The following HEATR5B variants were observed in gnomAD, a reference collection of about 807,000 sequenced individuals.
HEATR5B encodes the protein HEAT repeat containing 5B.
In HEATR5B, 156 loss-of-function variants were observed where a neutral mutation model predicts 224.1. That is an observed-to-expected ratio of 0.70 (90% CI 0.61 to 0.80). The LOEUF (loss-of-function observed/expected upper bound fraction) is 0.80, where lower values mean the gene tolerates loss of function less well. Ranked by LOEUF, HEATR5B falls within the 30% of genes least tolerant of loss-of-function variation. The pLI, the probability that HEATR5B is intolerant of heterozygous loss-of-function variation, is 0.00. For synonymous variants in HEATR5B, 1,027 were observed against 893.0 expected, an observed-to-expected ratio of 1.15 and a Z score of -2.68; for missense variants, 2,323 against 2,535.5, an observed-to-expected ratio of 0.92 and a Z score of 1.80.
chr2:37,016,381 C>T (rs1668119927), intron 26 of HEATR5B, among the ~76,000 whole-genome samples: 1 of 151,968 alleles, frequency 6.6e-6, no homozygotes, highest in Non-Finnish European at 1.5e-5. Context: ...AAAGTGCTGG[C>T]ATTACAGGCA....
intron 22 of HEATR5B, among the ~76,000 whole-genome samples, chr2:37,029,457 A>G (rs1558752963): frequency 6.6e-6 from 1 of 152,020 alleles, no homozygotes; most frequent in Admixed American, 6.6e-5. Context: ...TGAGATCAGG[A>G]GTTCGAGACC....
chr2:37,058,313 T>C, intron 14 of HEATR5B, 138 bp downstream of exon 14: 1 of 600,590 alleles, frequency 1.7e-6, no homozygotes. Flanking sequence ...AAGTATCAGC[T>C]ACTCTACATG....
intron 23 of HEATR5B, 144 bp downstream of exon 23, chr2:37,028,537 T>C (rs947519002): frequency 3.2e-6 from 2 of 621,354 alleles, no homozygotes; most frequent in Admixed American, 3.6e-5. Context: ...TTTCAACATT[T>C]TGACAGAGAT....
At chr2:37,078,978 T>C (rs1672390370) in intron 3 of HEATR5B, 142 bp downstream of exon 3, 2 of 512,064 alleles carry the variant, frequency 3.9e-6, no homozygotes, top group African/African-American at 3.9e-5. Context: ...CCATCACAAC[T>C]CGATCCACTT....
chr2:36,995,092 T>TTTTTTTTTTTTTC, intron 33 of HEATR5B, among the ~76,000 whole-genome samples: 1 of 141,720 alleles, frequency 7.1e-6, no homozygotes, highest in Non-Finnish European at 1.5e-5. Context: ...TCCTTGTTTT[T>TTTTTTTTTTTTTC]TTTTTTTTTT....
intron 21 of HEATR5B, among the ~76,000 whole-genome samples, chr2:37,035,040 T>A (rs1325227855): frequency 6.6e-6 from 1 of 152,240 alleles, no homozygotes; most frequent in Non-Finnish European, 1.5e-5. Flanking sequence ...CCACCCATCT[T>A]ACACAACTAC....
In HEATR5B at chr2:37,003,685, A is replaced by T; in HGVS notation, c.4907T>A (p.Leu1636Gln). 1 of 1,586,772 alleles carries T rather than the reference A, an allele frequency of 6.3e-7. No individual in the cohort carries two copies. Among genetic ancestry groups the T allele is most frequent in the Non-Finnish European group, 8.6e-7 (1 of 1,166,670 alleles). ...AACACTCAGCAACTCAACACCTATC[A>T]GCTAATACAAATAAATACAAATACA... ...YARVHIAEDQ[L>Q]IGVELLSVLH... The change falls in exon 31 of 36, where the codon CTG becomes CAG. Residue 1636 changes from leucine (L) to glutamine (Q), a missense_variant and splice_region_variant. Coordinates refer to ENST00000233099, the MANE Select transcript of HEATR5B (RefSeq NM_019024.3).
At chr2:36,985,079 A>G (rs1665856445) in intron 35 of HEATR5B, among the ~76,000 whole-genome samples, 1 of 152,236 alleles carries the variant, frequency 6.6e-6, no homozygotes, top group Non-Finnish European at 1.5e-5. Context: ...AAAGTTGACA[A>G]CAAAATTAAC....
chr2:37,037,440 GC>G (rs750754674), intron 21 of HEATR5B, among the ~76,000 whole-genome samples: 1 of 151,864 alleles, frequency 6.6e-6, no homozygotes, highest in Non-Finnish European at 1.5e-5. Flanking sequence ...ACAGCGCCTG[GC>G]CCAAATGTGA....
chr2:37,024,753 C>G (rs1192042031), intron 24 of HEATR5B, among the ~76,000 whole-genome samples: 1 of 152,150 alleles, frequency 6.6e-6, no homozygotes, highest in African/African-American at 2.4e-5. Context: ...ACTCTATCAC[C>G]TAATTTACAA....
rs1671828381 is a variant in HEATR5B at position 37,070,283 on chromosome 2, T to C, written c.874A>G (p.Met292Val). ...GSGFLKSGGEMLKVGGSVNRE... is the reference protein window; with the variant it reads ...GSGFLKSGGEVLKVGGSVNRE... Reference sequence around the variant, plus strand: ...TTAACGGACCCTCCAACTTTTAACATTTCTCCACCGCTCTTTAAGAAACCT... The same window carrying C: ...TTAACGGACCCTCCAACTTTTAACACTTCTCCACCGCTCTTTAAGAAACCT... The change falls in exon 7 of 36, where the codon ATG becomes GTG. Residue 292 changes from methionine (M) to valine (V), a missense_variant. By Grantham distance (21) the Met-to-Val change is conservative. Coordinates refer to ENST00000233099, the MANE Select transcript of HEATR5B (RefSeq NM_019024.3). The C allele has an allele frequency of 6.2e-6, 10 of 1,614,002 alleles. No individual in the cohort carries two copies. The highest frequency in any genetic ancestry group is 8.5e-6 in the Non-Finnish European group (10 of 1,180,000).
Position 36,990,716 on chromosome 2 carries a change from C to G in HEATR5B, c.5629G>C (p.Gly1877Arg). 1.2e-6 allele frequency: 2 copies of G among 1,612,082 alleles called. No individual in the cohort carries two copies. Among genetic ancestry groups the G allele is most frequent in the South Asian group, 2.2e-5 (2 of 90,804 alleles). ...CAGCCATTCTGTAATGACTGGACTC[C>G]TATTATTTCATTACTAGCAGACCAC... Reference protein sequence around the residue: ...FLWSASNEIIGVQSLQNGCMN... With the variant: ...FLWSASNEIIRVQSLQNGCMN... Residue 1877 changes from glycine to arginine, a missense_variant, in exon 34 of 36, where the codon GGA becomes CGA. Around this residue, in one of 12 missense-constraint regions of HEATR5B, gnomAD observed 844 missense variants for 812.9 expected, o/e 1.04. Coordinates refer to ENST00000233099, the MANE Select transcript of HEATR5B (RefSeq NM_019024.3).
intron 17 of HEATR5B, among the ~76,000 whole-genome samples, chr2:37,051,425 C>G (rs1034953425): frequency 6.7e-6 from 1 of 148,492 alleles, no homozygotes; most frequent in Non-Finnish European, 1.5e-5. Context: ...GTTTGCTCAT[C>G]ATATTAAATG....
chr2:36,987,016 G>A (rs1370627652), intron 35 of HEATR5B, among the ~76,000 whole-genome samples: 3 of 152,136 alleles, frequency 2.0e-5, no homozygotes, highest in African/African-American at 7.2e-5. Context: ...GCCTCCCAAA[G>A]TGTTGGGATT....
rs1240046570 is a variant in HEATR5B at position 36,988,508 on chromosome 2, C to T, written c.5911+138G>A. 6 of 643,832 alleles carry T rather than the reference C, an allele frequency of 9.3e-6. No homozygotes were observed. In the East Asian group the frequency reaches 1.7e-4, roughly 18 times the overall value. 39.9% of individuals were successfully genotyped at this position (643,832 alleles called of 1,614,324 possible). On this transcript the variant is annotated intron_variant, in intron 35 of 35. Coordinates refer to ENST00000233099, the MANE Select transcript of HEATR5B (RefSeq NM_019024.3). The stretch of plus-strand genomic sequence containing the variant: ...ATCTCCTGACCTCGTGATCCACCCA[C>T]CTTGGCCTCCCAGAGTGCTGGGACT...
rs1666645961 is a variant in HEATR5B at position 36,995,595 on chromosome 2, A to G, written c.5546-4796T>C. 2.0e-5 allele frequency among the ~76,000 whole-genome samples: 3 copies of G among 152,204 alleles called. 1 individual carries two copies. On this transcript the variant is annotated intron_variant, in intron 33 of 35. Coordinates refer to ENST00000233099, the MANE Select transcript of HEATR5B (RefSeq NM_019024.3). ...TATTCATTGTTTAAAATAGAAAAAGAGTATAGGAGAGAAAGTAAAACTTGT... is the reference window on the plus strand; with the variant it reads ...TATTCATTGTTTAAAATAGAAAAAGGGTATAGGAGAGAAAGTAAAACTTGT...
chr2:37,027,999 G>C lies in HEATR5B; in HGVS notation c.3777C>G (p.Ile1259Met), dbSNP rs776036221. Reference protein sequence around the residue: ...VFAADCLCRIINLCENADQAH... With the variant: ...VFAADCLCRIMNLCENADQAH... Reference sequence around the variant, plus strand: ...CCTGGTCTGCATTCTCACACAAATTGATGATTCGACACAGGCAATCGGCAG... The same window carrying C: ...CCTGGTCTGCATTCTCACACAAATTCATGATTCGACACAGGCAATCGGCAG... The change falls in exon 24 of 36, where the codon ATC becomes ATG. Residue 1259 changes from isoleucine (I) to methionine (M), a missense_variant. Physicochemically the swap from Ile to Met is conservative, Grantham distance 10. Transcript: ENST00000233099. 1.4e-5 allele frequency: 22 copies of C among 1,614,158 alleles called. No homozygotes were observed. In the South Asian group the frequency reaches 2.4e-4, roughly 18 times the overall value.
chr2:37,074,641 G>C (rs774517129), intron 5 of HEATR5B, among the ~76,000 whole-genome samples: 1 of 152,138 alleles, frequency 6.6e-6, no homozygotes, highest in Non-Finnish European at 1.5e-5. Context: ...AAAAATATTT[G>C]TAAATCACAT....
chr2:36,990,829 G>T (rs779863057), intron 33 of HEATR5B, 30 bp from the exon 34 acceptor site: 9 of 1,522,260 alleles, frequency 5.9e-6, no homozygotes, highest in Non-Finnish European at 8.0e-6. Context: ...GAAGTGTGCT[G>T]TTTCTAAAAC....
Sources: allele counts gnomAD v4.1 joint callset (sites outside exome capture counted in the v4.1 genomes callset), GRCh38; gene constraint gnomAD v4.1.1; regional missense constraint gnomAD v4.1.1; transcripts MANE v1.5; gene names NCBI Gene and HGNC (gene_info 2026-07-23, HGNC 2026-07-21).